Variants in KLHL32 observed in about 807,000 individuals in gnomAD.
KLHL32 encodes the protein kelch-like protein 32.
A neutral mutation model predicts 64.8 loss-of-function variants in KLHL32; 35 were observed. The observed-to-expected ratio is 0.54, with a 90% CI of 0.41 to 0.72. The LOEUF is 0.72. KLHL32 is among the 30% of genes least tolerant of loss of function. The pLI is 0.00. For missense variants in KLHL32, 589 were observed against 768.5 expected, an observed-to-expected ratio of 0.77 and a Z score of 2.76; for synonymous variants, 259 against 281.0, an observed-to-expected ratio of 0.92 and a Z score of 0.78.
intron 4 of KLHL32, among the ~76,000 whole-genome samples, chr6:97,054,964 T>C (rs1015956943): frequency 2.6e-5 from 4 of 152,156 alleles, no homozygotes; most frequent in Non-Finnish European, 5.9e-5. Context: ...AGGATAAAAA[T>C]TGATTCCAGC....
chr6:96,958,122 T>C (rs547664426), intron 1 of KLHL32, among the ~76,000 whole-genome samples: 4 of 152,270 alleles, frequency 2.6e-5, no homozygotes, highest in African/African-American at 4.8e-5. Context: ...GGGATGTGAT[T>C]AGTAAATTGC....
intron 3 of KLHL32, among the ~76,000 whole-genome samples, chr6:97,014,312 T>G (rs546618020): frequency 2.6e-5 from 4 of 151,520 alleles, no homozygotes; most frequent in African/African-American, 7.3e-5. Flanking sequence ...AAAAAAAAAG[T>G]TTCTTTTTTC....
intron 10 of KLHL32, among the ~76,000 whole-genome samples, chr6:97,135,877 T>G (rs921178183): frequency 6.6e-6 from 1 of 152,122 alleles, no homozygotes; most frequent in Non-Finnish European, 1.5e-5. Flanking sequence ...TGTTCAAAAG[T>G]AGGCCACTTC....
At chr6:96,904,962 C>G in the KLHL32 span, among the ~76,000 whole-genome samples, 3 of 152,232 alleles carry the variant, frequency 2.0e-5, no homozygotes, top group Non-Finnish European at 2.9e-5. Flanking sequence ...TCTTTCTTCA[C>G]TCCAGCTTTC....
intron 3 of KLHL32, among the ~76,000 whole-genome samples, chr6:96,990,298 A>T (rs1340780037): frequency 6.6e-6 from 1 of 152,058 alleles, no homozygotes; most frequent in East Asian, 1.9e-4. Context: ...GGCTTTGTGC[A>T]GGATCTTTAT....
At chr6:96,999,723 A>C (rs1406739841) in intron 3 of KLHL32, among the ~76,000 whole-genome samples, 1 of 152,100 alleles carries the variant, frequency 6.6e-6, no homozygotes, top group Admixed American at 6.6e-5. Flanking sequence ...ATCTTATTTG[A>C]TATTTTTATT....
rs1768928926 is a variant in KLHL32 at position 96,924,793 on chromosome 6, GCACGCAGGCACACACACACACACACA to G, written c.-295_-270del. 1 of 118,270 alleles carries G rather than the reference GCACGCAGGCACACACACACACACACA, an allele frequency of 8.5e-6. No homozygotes were observed. Among genetic ancestry groups the G allele is most frequent in the Non-Finnish European group, 1.7e-5 (1 of 58,658 alleles). The allele number at this position is 118,270 out of a possible 1,614,324, so 7.3% of individuals were successfully genotyped here. ...CGCGCAGGCAGTCGCGCGCACACAC[GCACGCAGGCACACACACACACACACA>G]CACACACACACACACACTTTCGCAC... On this transcript the variant is annotated 5_prime_UTR_variant, in exon 1 of 11. Transcript: ENST00000369261.
At chr6:97,042,295 G>C (rs977811811) in intron 4 of KLHL32, among the ~76,000 whole-genome samples, 1 of 152,104 alleles carries the variant, frequency 6.6e-6, no homozygotes, top group Non-Finnish European at 1.5e-5. Context: ...ATCCTAGTAA[G>C]AGAAAGACAG....
chr6:97,109,901 A>C (rs1796893386), intron 6 of KLHL32, among the ~76,000 whole-genome samples: 2 of 152,248 alleles, frequency 1.3e-5, no homozygotes, highest in African/African-American at 4.8e-5. Context: ...TAGGAACAAT[A>C]GCAAATATTA....
the KLHL32 span, among the ~76,000 whole-genome samples, chr6:96,918,880 C>T: frequency 1.3e-5 from 2 of 152,066 alleles, no homozygotes; most frequent in Admixed American, 6.6e-5. Flanking sequence ...AATAAAATTC[C>T]TCAATTAAGT....
chr6:96,913,026 G>A, the KLHL32 span, among the ~76,000 whole-genome samples: 1 of 152,210 alleles, frequency 6.6e-6, no homozygotes, highest in Non-Finnish European at 1.5e-5. Context: ...TTATTTCAAT[G>A]TTTGATTGCT....
chr6:97,042,004 A>G (rs1785193614), intron 4 of KLHL32, among the ~76,000 whole-genome samples: 1 of 152,206 alleles, frequency 6.6e-6, no homozygotes. Flanking sequence ...TCTTGGTACC[A>G]TGTCCTCCAC....
chr6:96,969,309 C>T (rs938685805), intron 2 of KLHL32, among the ~76,000 whole-genome samples: 4 of 152,196 alleles, frequency 2.6e-5, no homozygotes, highest in African/African-American at 9.7e-5. Context: ...ACAGCCTCCT[C>T]TCCTTTTTCA....
At position 97,045,930 on chromosome 6, in the gene KLHL32, A is replaced by G. The variant is rs927683597; in HGVS notation, c.312+4331A>G. Among the ~76,000 whole-genome samples, 15 of 152,214 alleles carry G rather than the reference A, an allele frequency of 9.9e-5. 1 individual carries two copies. The highest frequency in any genetic ancestry group is 2.1e-4 in the Non-Finnish European group (14 of 68,034). On this transcript the variant is annotated intron_variant, in intron 4 of 10. Transcript: ENST00000369261. ...GGTGCTTAAATTCTACTTTTATGAG[A>G]AAAAGAAAGCCAAATGAGATGAAAA...
chr6:97,056,503 G>A (rs1787970986), intron 4 of KLHL32, among the ~76,000 whole-genome samples: 1 of 152,000 alleles, frequency 6.6e-6, no homozygotes, highest in African/African-American at 2.4e-5. Flanking sequence ...TTTCCAGGTG[G>A]CTTTGCTTGC....
At chr6:96,999,931 T>C (rs955675442) in intron 3 of KLHL32, among the ~76,000 whole-genome samples, 1 of 152,112 alleles carries the variant, frequency 6.6e-6, no homozygotes, top group African/African-American at 2.4e-5. Flanking sequence ...AGCTTCTGCA[T>C]AGAGATGATT....
At chr6:97,133,721 G>A (rs1799683390) in intron 10 of KLHL32, among the ~76,000 whole-genome samples, 1 of 152,080 alleles carries the variant, frequency 6.6e-6, no homozygotes, top group Non-Finnish European at 1.5e-5. Flanking sequence ...TCTTGACAGA[G>A]GTTTGTCTGG....
At chr6:97,131,397 A>G (rs1389631951) in intron 9 of KLHL32, among the ~76,000 whole-genome samples, 2 of 152,184 alleles carry the variant, frequency 1.3e-5, no homozygotes, top group Non-Finnish European at 2.9e-5. Context: ...TGTTTCTGTG[A>G]GTATTCTCCT....
upstream of KLHL32, among the ~76,000 whole-genome samples, chr6:96,923,103 G>A (rs1202548816): frequency 6.6e-6 from 1 of 152,084 alleles, no homozygotes; most frequent in East Asian, 1.9e-4. Flanking sequence ...GTGAGTTGGT[G>A]GTGTAAATAT....
Sources: gnomAD v4.1 joint callset for allele counts (sites outside exome capture counted in the v4.1 genomes callset) on GRCh38, gnomAD v4.1.1 for gene constraint, MANE v1.5 for transcripts, NCBI Gene and HGNC (gene_info 2026-07-23, HGNC 2026-07-21) for gene names.